Variants in FMNL2 observed in about 807,000 individuals in gnomAD.
The protein encoded by FMNL2 is formin-like protein 2.
Under a neutral mutation model 130.2 loss-of-function variants are expected in FMNL2, and 51 were observed. The ratio of observed to expected loss-of-function variants is 0.39; its 90% CI spans 0.31 to 0.49. The LOEUF (loss-of-function observed/expected upper bound fraction) is 0.49. Among genes scored for constraint, FMNL2 ranks in the 20% least tolerant of loss-of-function variants. The pLI, the probability that FMNL2 is intolerant of heterozygous loss-of-function variation, is 0.85. For synonymous variants in FMNL2, 465 were observed against 467.1 expected, an observed-to-expected ratio of 1.00 and a Z score of 0.06; for missense variants, 977 against 1,316.2, an observed-to-expected ratio of 0.74 and a Z score of 3.99.
At chr2:152,595,821 C>T (rs1697736970) in intron 9 of FMNL2, among the ~76,000 whole-genome samples, 1 of 149,682 alleles carries the variant, frequency 6.7e-6, no homozygotes, top group Non-Finnish European at 1.5e-5. Context: ...AGAACATCTT[C>T]TAGCCTTATA....
intron 1 of FMNL2, among the ~76,000 whole-genome samples, chr2:152,347,874 G>T (rs1420682306): frequency 3.3e-5 from 5 of 151,630 alleles, no homozygotes; most frequent in Non-Finnish European, 7.4e-5. Flanking sequence ...AGCCAGCTAC[G>T]ACTTGGCCAG....
In FMNL2 at chr2:152,478,239, TA is replaced by T. The variant is rs1558896553; in HGVS notation, c.118-43703del. Among the ~76,000 whole-genome samples, 84 of 36,834 alleles carry T rather than the reference TA, an allele frequency of 2.3e-3. 1 individual carries two copies. The East Asian group carries it at 0.042, about 18-fold the overall frequency. The allele number at this position is 36,834 out of a possible 152,430, so 24.2% of individuals were successfully genotyped here. On this transcript the variant is annotated intron_variant, in intron 1 of 25. Transcript: ENST00000288670. ...ACGTATACATATATACATATATATATATATATATATATTTTTTTTTTTTTTT... is the reference window on the plus strand; with the variant it reads ...ACGTATACATATATACATATATATATTATATATATATTTTTTTTTTTTTTT...
intron 1 of FMNL2, among the ~76,000 whole-genome samples, chr2:152,445,190 C>T (rs1167604784): frequency 1.3e-5 from 2 of 152,222 alleles, no homozygotes; most frequent in African/African-American, 4.8e-5. Flanking sequence ...TGTGTTTCAC[C>T]TGTGTGGCTA....
At chr2:152,381,295 A>G (rs1419072392) in intron 1 of FMNL2, among the ~76,000 whole-genome samples, 2 of 152,188 alleles carry the variant, frequency 1.3e-5, no homozygotes, top group South Asian at 2.1e-4. Context: ...AATTTCTGCC[A>G]TGGCATATTT....
chr2:152,564,411 T>G (rs1478031100), intron 6 of FMNL2, among the ~76,000 whole-genome samples: 1 of 151,952 alleles, frequency 6.6e-6, no homozygotes, highest in Non-Finnish European at 1.5e-5. Flanking sequence ...TGGGCATGAT[T>G]AAAGAAAAAA....
chr2:152,586,127 T>C (rs1289652837), intron 9 of FMNL2, among the ~76,000 whole-genome samples: 1 of 152,176 alleles, frequency 6.6e-6, no homozygotes, highest in Non-Finnish European at 1.5e-5. Context: ...CATCTGCTTC[T>C]GTAATGACAG....
chr2:152,645,407 T>C, intron 25 of FMNL2: 1 of 1,235,952 alleles, frequency 8.1e-7, no homozygotes, highest in Non-Finnish European at 1.1e-6. Context: ...TAACCATCAT[T>C]TTGTGTTTTT....
At chr2:152,397,201 CT>C (rs942086658) in intron 1 of FMNL2, among the ~76,000 whole-genome samples, 18 of 151,534 alleles carry the variant, frequency 1.2e-4, no homozygotes, top group Middle Eastern at 6.8e-3. Flanking sequence ...GAGAAGAAAT[CT>C]TTTTTTTTCC....
At chr2:152,633,224 G>T (rs966775838) in intron 21 of FMNL2, among the ~76,000 whole-genome samples, 1 of 151,858 alleles carries the variant, frequency 6.6e-6, no homozygotes, top group African/African-American at 2.4e-5. Context: ...GCCTCCTGAG[G>T]AGCTGGGACC....
At chr2:152,556,412 G>A (rs1353401220) in intron 4 of FMNL2, among the ~76,000 whole-genome samples, 1 of 152,150 alleles carries the variant, frequency 6.6e-6, no homozygotes, top group Non-Finnish European at 1.5e-5. Flanking sequence ...GAGGTAGGCA[G>A]CAGGCTGTTA....
chr2:152,631,977 G>A lies in FMNL2; in HGVS notation c.2551-31G>A, dbSNP rs545478314. 9.4e-6 allele frequency: 15 copies of A among 1,601,790 alleles called. 1 individual carries two copies. In the Admixed American group the frequency reaches 2.6e-4, roughly 27 times the overall value. ...AAGTGTCTTGTTACCCTTTACTCTT[G>A]TACCTAACCCACGTTCCCTTTTGTT... On this transcript the variant is annotated intron_variant, in intron 20 of 25. Transcript: ENST00000288670.
rs191204526 is a variant in FMNL2 at position 152,564,457 on chromosome 2, C to T, written c.596+3422C>T. On this transcript the variant is annotated intron_variant, in intron 6 of 25. Transcript: ENST00000288670. ...CTGTGTTCAGCTGGGCACAGTGGCT[C>T]ATGCCTATAATCCCAGCACTTTGGG... Among the ~76,000 whole-genome samples, 29 of 152,296 alleles carry T rather than the reference C, an allele frequency of 1.9e-4. 1 individual carries two copies. In the East Asian group the frequency reaches 5.6e-3, roughly 29 times the overall value.
chr2:152,413,943 GTTC>G (rs764890447), intron 1 of FMNL2, among the ~76,000 whole-genome samples: 9 of 152,272 alleles, frequency 5.9e-5, no homozygotes, highest in African/African-American at 1.4e-4. Flanking sequence ...TACTTGAGTT[GTTC>G]TTCTTCCTCA....
intron 1 of FMNL2, among the ~76,000 whole-genome samples, chr2:152,493,481 T>C (rs1691327948): frequency 6.6e-6 from 1 of 152,220 alleles, no homozygotes; most frequent in Non-Finnish European, 1.5e-5. Context: ...AACCTCATGT[T>C]GAAATGTGAT....
chr2:152,631,976 T>C (rs750228465), intron 20 of FMNL2, 32 bp from the exon 21 acceptor site: 2 of 1,601,710 alleles, frequency 1.2e-6, no homozygotes, highest in Non-Finnish European at 1.7e-6. Flanking sequence ...CCTTTACTCT[T>C]GTACCTAACC....
At chr2:152,544,843 A>G (rs1363724248) in intron 3 of FMNL2, among the ~76,000 whole-genome samples, 1 of 152,202 alleles carries the variant, frequency 6.6e-6, no homozygotes, top group East Asian at 1.9e-4. Context: ...GCACAGTTCC[A>G]ATTTTCCTTT....
chr2:152,399,243 AG>A (rs1481827037), intron 1 of FMNL2, among the ~76,000 whole-genome samples: 1 of 152,172 alleles, frequency 6.6e-6, no homozygotes, highest in Non-Finnish European at 1.5e-5. Context: ...TGAAATCAGA[AG>A]GTAGGTGACT....
intron 1 of FMNL2, among the ~76,000 whole-genome samples, chr2:152,341,103 G>A (rs1681777151): frequency 2.6e-5 from 4 of 152,206 alleles, no homozygotes; most frequent in African/African-American, 9.7e-5. Flanking sequence ...TGGGCGGGTG[G>A]GAGTGTAGTG....
Position 152,335,518 on chromosome 2 carries a change from C to A in FMNL2, c.-86C>A. 9.3e-7 allele frequency: 1 copy of A among 1,075,972 alleles called. No homozygotes were observed. The highest frequency in any genetic ancestry group is 1.3e-6 in the Non-Finnish European group (1 of 774,716). 66.7% of individuals were successfully genotyped at this position (1,075,972 alleles called of 1,614,324 possible). On this transcript the variant is annotated 5_prime_UTR_variant, in exon 1 of 26. Transcript: ENST00000288670. ...GAGCCGGGCAGGTCGCGCCTGCGGG[C>A]GGCAGCCGACCGCCGGGAGCTGTTC...
Sources: gnomAD v4.1 joint callset for allele counts (sites outside exome capture counted in the v4.1 genomes callset) on GRCh38, gnomAD v4.1.1 for gene constraint, MANE v1.5 for transcripts, NCBI Gene and HGNC (gene_info 2026-07-23, HGNC 2026-07-21) for gene names.